NCOA1: variants seen among roughly 807,000 people sequenced by gnomAD.
NCOA1 encodes the protein Hin-2 protein.
In NCOA1, 35 loss-of-function variants were observed where a neutral mutation model predicts 150.9. The observed-to-expected ratio is 0.23, with a 90% CI of 0.18 to 0.31. The LOEUF (loss-of-function observed/expected upper bound fraction) is 0.31, where lower values mean the gene tolerates loss of function less well. Ranked by LOEUF, NCOA1 falls within the 10% of genes least tolerant of loss-of-function variation. The probability of loss-of-function intolerance (pLI) is 1.00; values close to 1 mark genes in which losing one functional copy is unlikely to be tolerated. For synonymous variants in NCOA1, 590 were observed against 630.0 expected, an observed-to-expected ratio of 0.94 and a Z score of 0.95; for missense variants, 1,491 against 1,749.3, an observed-to-expected ratio of 0.85 and a Z score of 2.63.
intron 3 of NCOA1, among the ~76,000 whole-genome samples, chr2:24,631,581 C>T (rs567386164): frequency 3.3e-5 from 5 of 151,940 alleles, no homozygotes; most frequent in Non-Finnish European, 7.4e-5. Context: ...GAACATTAAG[C>T]GATACTTAGA....
At chr2:24,545,116 C>A (rs1411178505) in intron 1 of NCOA1, among the ~76,000 whole-genome samples, 1 of 152,092 alleles carries the variant, frequency 6.6e-6, no homozygotes, top group Non-Finnish European at 1.5e-5. Flanking sequence ...CAGTGACAAC[C>A]CAGTAGCATG....
intron 1 of NCOA1, among the ~76,000 whole-genome samples, chr2:24,504,155 C>T (rs960340829): frequency 2.0e-5 from 3 of 152,066 alleles, no homozygotes; most frequent in African/African-American, 7.2e-5. Context: ...AGTTTGTTAC[C>T]GATGATACTA....
chr2:24,620,666 A>G (rs1175237755), intron 3 of NCOA1, among the ~76,000 whole-genome samples: 1 of 152,186 alleles, frequency 6.6e-6, no homozygotes, highest in Non-Finnish European at 1.5e-5. Context: ...GCAAAATAAT[A>G]TAGACAAATT....
chr2:24,658,408 C>T (rs1367495397), intron 4 of NCOA1, among the ~76,000 whole-genome samples: 1 of 152,122 alleles, frequency 6.6e-6, no homozygotes, highest in Non-Finnish European at 1.5e-5. Flanking sequence ...ATGTTTTCAT[C>T]CTAATTGGTT....
chr2:24,703,293 G>C (rs1197165682), intron 11 of NCOA1, among the ~76,000 whole-genome samples: 2 of 152,144 alleles, frequency 1.3e-5, no homozygotes, highest in Admixed American at 1.3e-4. Context: ...CTCTTCATCT[G>C]AACAATTAAG....
chr2:24,552,320 A>ATT (rs1238625226), intron 1 of NCOA1, among the ~76,000 whole-genome samples: 35 of 34,566 alleles, frequency 1.0e-3, no homozygotes, highest in Admixed American at 3.6e-3. Flanking sequence ...CTTCATATAT[A>ATT]TTATATATAT....
chr2:24,671,688 G>A (rs1470205473), intron 6 of NCOA1, among the ~76,000 whole-genome samples: 1 of 152,032 alleles, frequency 6.6e-6, no homozygotes, highest in Non-Finnish European at 1.5e-5. Flanking sequence ...AGCCTCCTGA[G>A]TAGCTGAGAT....
At chr2:24,762,093 C>T (rs934695584) in intron 21 of NCOA1, among the ~76,000 whole-genome samples, 11 of 152,264 alleles carry the variant, frequency 7.2e-5, no homozygotes, top group Non-Finnish European at 7.3e-5. Flanking sequence ...GGGAGCCTGC[C>T]AGGCGCTGCC....
chr2:24,765,185 AAAAGAG>A (rs1664994726), intron 22 of NCOA1, among the ~76,000 whole-genome samples: 1 of 151,830 alleles, frequency 6.6e-6, no homozygotes, highest in Admixed American at 6.6e-5. Context: ...TCAAAAAAAA[AAAAGAG>A]AGAGAGAGAG....
intron 1 of NCOA1, among the ~76,000 whole-genome samples, chr2:24,514,543 CCGT>C (rs1558756316): frequency 6.6e-6 from 1 of 151,714 alleles, no homozygotes; most frequent in Non-Finnish European, 1.5e-5. Flanking sequence ...TAGCTCACAA[CCGT>C]AATCTTAGCA....
chr2:24,547,209 A>G (rs1208210181), intron 1 of NCOA1, among the ~76,000 whole-genome samples: 1 of 152,220 alleles, frequency 6.6e-6, no homozygotes, highest in African/African-American at 2.4e-5. Flanking sequence ...TTAACATGTA[A>G]TAATTTAAGT....
Position 24,706,620 on chromosome 2 carries a change from C to T in NCOA1, c.1150C>T (p.Pro384Ser). The T allele has an allele frequency of 2.5e-6, 4 of 1,614,066 alleles. No homozygotes were observed. The highest frequency in any genetic ancestry group is 3.4e-6 in the Non-Finnish European group (4 of 1,179,954). Residue 384 changes from proline to serine, a missense_variant, in exon 13 of 23, where the codon CCC (proline) becomes TCC (serine). Pro to Ser is a moderately conservative substitution (Grantham distance 74). This residue lies in a region of NCOA1 where 703 missense variants were observed against 717.7 expected (regional missense o/e 0.98). Transcript: ENST00000348332. ...TGACACTAATTCTGGAATGTCAATT[C>T]CCCGAGTAAATCCCTCGGTCAATCC... The part of the protein sequence containing the change: ...QDDTNSGMSI[P>S]RVNPSVNPSI...
rs146794228 is a variant in NCOA1 at position 24,710,946 on chromosome 2, G to A, written c.2434G>A (p.Asp812Asn). 52 of 1,613,748 alleles carry A rather than the reference G, an allele frequency of 3.2e-5. No homozygotes were observed. The Admixed American group carries it at 4.5e-4, about 14-fold the overall frequency. ...CCATTCTTAGTTTACAGCTGACCTT[G>A]ACCAGTTTGATCAGTTACTGCCCAC... Reference protein sequence around the residue: ...EAQSQFTADLDQFDQLLPTLE... With the variant: ...EAQSQFTADLNQFDQLLPTLE... The change falls in exon 14 of 23, where the codon GAC becomes AAC. Residue 812 changes from aspartate to asparagine, a missense_variant. Asp to Asn is a conservative substitution (Grantham distance 23, BLOSUM62 1). Coordinates refer to ENST00000348332, the MANE Select transcript of NCOA1 (RefSeq NM_003743.5).
chr2:24,575,214 CT>C (rs1666905313), intron 2 of NCOA1, among the ~76,000 whole-genome samples: 1 of 152,028 alleles, frequency 6.6e-6, no homozygotes, highest in Non-Finnish European at 1.5e-5. Flanking sequence ...TGGAAATCTT[CT>C]ATTGCTATAT....
intron 1 of NCOA1, among the ~76,000 whole-genome samples, chr2:24,504,308 C>G (rs1663600058): frequency 6.6e-6 from 1 of 152,210 alleles, no homozygotes; most frequent in Non-Finnish European, 1.5e-5. Flanking sequence ...GGTGTACCAT[C>G]TAGAACATGA....
intron 3 of NCOA1, among the ~76,000 whole-genome samples, chr2:24,615,034 C>G (rs544694115): frequency 6.6e-6 from 1 of 152,146 alleles, no homozygotes; most frequent in East Asian, 1.9e-4. Flanking sequence ...TAGTGGGTAG[C>G]AGAATTGTTA....
At chr2:24,513,178 A>G (rs1664008890) in intron 1 of NCOA1, among the ~76,000 whole-genome samples, 1 of 152,204 alleles carries the variant, frequency 6.6e-6, no homozygotes, top group Non-Finnish European at 1.5e-5. Flanking sequence ...CCTTCTGCCC[A>G]ACTTAGATCT....
Position 24,707,518 on chromosome 2 carries a change from T to G in NCOA1, c.2048T>G (p.Leu683Trp). Residue 683 changes from leucine to tryptophan, a missense_variant, in exon 13 of 23, where the codon TTG becomes TGG. By Grantham distance (61) the Leu-to-Trp change is moderately conservative. Transcript: ENST00000348332. ...TCTTGTCCCTCTTCTCATAGCTCATTGACAGAACGGCATAAAATTCTACAC... is the reference window on the plus strand; with the variant it reads ...TCTTGTCCCTCTTCTCATAGCTCATGGACAGAACGGCATAAAATTCTACAC... ...GGSCPSSHSS[L>W]TERHKILHRL... is the part of the protein sequence containing the mutation. The G allele has an allele frequency of 6.2e-7, 1 of 1,614,146 alleles. No individual in the cohort carries two copies. Among genetic ancestry groups the G allele is most frequent in the Non-Finnish European group, 8.5e-7 (1 of 1,180,018 alleles).
At chr2:24,707,912 A>G (rs1389661649) in intron 13 of NCOA1, 24 bp downstream of exon 13, 1 of 1,561,224 alleles carries the variant, frequency 6.4e-7, no homozygotes, top group East Asian at 2.2e-5. Flanking sequence ...TGCTTCACAG[A>G]ATGGTCATTC....
Sources: allele counts gnomAD v4.1 joint callset (sites outside exome capture counted in the v4.1 genomes callset), GRCh38; gene constraint gnomAD v4.1.1; regional missense constraint gnomAD v4.1.1; transcripts MANE v1.5; gene names NCBI Gene and HGNC (gene_info 2026-07-23, HGNC 2026-07-21).